The following HDAC9 variants were observed in gnomAD, a reference collection of about 807,000 sequenced individuals.
The protein encoded by HDAC9 is MEF-2 interacting transcription repressor (MITR) protein.
A neutral mutation model predicts 139.4 loss-of-function variants in HDAC9; 41 were observed. The ratio of observed to expected loss-of-function variants is 0.29; its 90% CI spans 0.23 to 0.38. HDAC9 has a LOEUF of 0.38. Among genes scored for constraint, HDAC9 ranks in the 10% least tolerant of loss-of-function variants. The probability of loss-of-function intolerance (pLI) is 1.00; values close to 1 mark genes in which losing one functional copy is unlikely to be tolerated. For synonymous variants in HDAC9, 517 were observed against 476.2 expected, an observed-to-expected ratio of 1.09 and a Z score of -1.12; for missense variants, 1,147 against 1,297.0, an observed-to-expected ratio of 0.88 and a Z score of 1.78.
intron 12 of HDAC9, among the ~76,000 whole-genome samples, chr7:18,691,839 C>A (rs1056037580): frequency 3.9e-5 from 6 of 151,902 alleles, no homozygotes; most frequent in Non-Finnish European, 8.8e-5. Flanking sequence ...GTGGGGTAGC[C>A]CATATTGATC....
intron 1 of HDAC9, among the ~76,000 whole-genome samples, chr7:18,369,164 T>A (rs1396358624): frequency 6.6e-6 from 1 of 152,140 alleles, no homozygotes; most frequent in Non-Finnish European, 1.5e-5. Context: ...TAGATCCTTC[T>A]ATGTCTATTT....
chr7:18,721,693 A>G (rs1258859964), intron 12 of HDAC9, among the ~76,000 whole-genome samples: 1 of 152,202 alleles, frequency 6.6e-6, no homozygotes, highest in Admixed American at 6.5e-5. Flanking sequence ...CCCAGAAGCT[A>G]TACATTTGGT....
chr7:18,847,597 A>G (rs1260203650), intron 21 of HDAC9, among the ~76,000 whole-genome samples: 1 of 152,130 alleles, frequency 6.6e-6, no homozygotes, highest in Non-Finnish European at 1.5e-5. Flanking sequence ...GACTCTACAA[A>G]ATTAAATCCC....
At chr7:18,815,001 C>CA (rs144713054) in intron 17 of HDAC9, among the ~76,000 whole-genome samples, 4,223 of 151,962 alleles carry the variant, frequency 0.028, 193 homozygotes, top group African/African-American at 0.097. Flanking sequence ...ATTGAAGGCA[C>CA]ATCTATTGTA....
At chr7:18,453,148 A>T (rs1793034907) in intron 1 of HDAC9, among the ~76,000 whole-genome samples, 1 of 152,156 alleles carries the variant, frequency 6.6e-6, no homozygotes, top group Non-Finnish European at 1.5e-5. Flanking sequence ...TAGGGTAAAA[A>T]TTGCTTTGTA....
intron 1 of HDAC9, among the ~76,000 whole-genome samples, chr7:18,159,469 G>T (rs1787465253): frequency 6.6e-6 from 1 of 152,088 alleles, no homozygotes; most frequent in South Asian, 2.1e-4. Context: ...TTCTTTTCCA[G>T]GCAACTTAAA....
At chr7:18,278,142 G>A (rs1288650131) in intron 2 of HDAC9, among the ~76,000 whole-genome samples, 2 of 152,078 alleles carry the variant, frequency 1.3e-5, no homozygotes, top group Non-Finnish European at 2.9e-5. Context: ...TGGATATTTT[G>A]GTAAATTTTC....
At chr7:18,792,469 A>G (rs916269908) in intron 16 of HDAC9, among the ~76,000 whole-genome samples, 1 of 151,970 alleles carries the variant, frequency 6.6e-6, no homozygotes, top group Non-Finnish European at 1.5e-5. Flanking sequence ...AATATAACAT[A>G]TGATAATTAT....
intron 6 of HDAC9, among the ~76,000 whole-genome samples, chr7:18,609,627 AAT>A (rs950991194): frequency 6.6e-6 from 1 of 152,014 alleles, no homozygotes; most frequent in African/African-American, 2.4e-5. Flanking sequence ...TAATTTTTTA[AAT>A]ATATATATAT....
At chr7:18,324,499 G>A (rs1486794208) in intron 1 of HDAC9, among the ~76,000 whole-genome samples, 1 of 152,070 alleles carries the variant, frequency 6.6e-6, no homozygotes, top group Non-Finnish European at 1.5e-5. Context: ...AGCTAATTAG[G>A]CATTTCTCTC....
chr7:18,439,823 C>G (rs955106616), intron 1 of HDAC9, among the ~76,000 whole-genome samples: 21 of 152,144 alleles, frequency 1.4e-4, no homozygotes, highest in Non-Finnish European at 1.5e-5. Flanking sequence ...CTCTCTCTCT[C>G]TGAATGTACA....
intron 2 of HDAC9, among the ~76,000 whole-genome samples, chr7:18,247,469 A>G (rs1482745384): frequency 6.6e-6 from 1 of 152,082 alleles, no homozygotes; most frequent in Non-Finnish European, 1.5e-5. Flanking sequence ...GAAGTGATGG[A>G]CAGTTGGCTT....
At position 18,748,987 on chromosome 7, in the gene HDAC9, A is replaced by G; in HGVS notation, c.1910-18A>G. The G allele has an allele frequency of 6.2e-7, 1 of 1,611,848 alleles. No homozygotes were observed. The highest frequency in any genetic ancestry group is 8.5e-7 in the Non-Finnish European group (1 of 1,178,612). On this transcript the variant is annotated intron_variant, in intron 13 of 25. Transcript: ENST00000686413. ...GTACTGTTACTCAATCTTGTCCTGTATTTCCCTTGTCTTAAAGGAATTGCC... is the reference window on the plus strand; with the variant it reads ...GTACTGTTACTCAATCTTGTCCTGTGTTTCCCTTGTCTTAAAGGAATTGCC...
chr7:18,826,663 TG>T (rs1317581950), intron 17 of HDAC9, among the ~76,000 whole-genome samples: 15 of 140,750 alleles, frequency 1.1e-4, no homozygotes, highest in Non-Finnish European at 4.5e-5. Context: ...TTTTTTTTTT[TG>T]GTTTTGTTTT....
chr7:18,733,272 G>A (rs995193306), intron 13 of HDAC9, among the ~76,000 whole-genome samples: 1 of 95,866 alleles, frequency 1.0e-5, no homozygotes, highest in Non-Finnish European at 2.3e-5. Flanking sequence ...ATATACACAG[G>A]TATATATGTG....
intron 22 of HDAC9, among the ~76,000 whole-genome samples, chr7:18,909,868 A>G (rs1279105581): frequency 6.6e-6 from 1 of 151,830 alleles, no homozygotes; most frequent in African/African-American, 2.4e-5. Flanking sequence ...GGCTTGTAGT[A>G]TATTTTGAGG....
At chr7:18,989,874 G>A (rs1270852383) in intron 25 of HDAC9, among the ~76,000 whole-genome samples, 4 of 149,612 alleles carry the variant, frequency 2.7e-5, no homozygotes, top group Admixed American at 2.0e-4. Context: ...CATTCTTCAC[G>A]TAGTTCTTGA....
At chr7:18,928,877 A>G (rs1804472321) in intron 22 of HDAC9, among the ~76,000 whole-genome samples, 1 of 151,968 alleles carries the variant, frequency 6.6e-6, no homozygotes, top group Non-Finnish European at 1.5e-5. Context: ...ATATCACAAC[A>G]TAGAGCCTGT....
Position 18,904,572 on chromosome 7 carries a change from C to CTT in HDAC9, c.2803+30001_2803+30002dup, listed in dbSNP as rs71017010. Among the ~76,000 whole-genome samples, 100 of 71,948 alleles carry CTT rather than the reference C, an allele frequency of 1.4e-3. 5 individuals carry two copies. Among genetic ancestry groups the CTT allele is most frequent in the African/African-American group, 5.3e-3 (89 of 16,640 alleles). The allele number at this position is 71,948 out of a possible 152,430, so 47.2% of individuals were successfully genotyped here. On this transcript the variant is annotated intron_variant, in intron 22 of 25. Transcript: ENST00000686413. ...GGGGAACCCTCTACCCTCCCCATTT[C>CTT]TTTTTTTTTTTTTTTTTTTTTTTTT...
Sources: allele counts gnomAD v4.1 joint callset (sites outside exome capture counted in the v4.1 genomes callset), GRCh38; gene constraint gnomAD v4.1.1; transcripts MANE v1.5; gene names NCBI Gene and HGNC (gene_info 2026-07-23, HGNC 2026-07-21).